SALL1: variants seen among roughly 807,000 people sequenced by gnomAD.
SALL1 encodes sal-like protein 1.
A neutral mutation model predicts 73.1 loss-of-function variants in SALL1; 10 were observed. The observed-to-expected ratio is 0.14, with a 90% CI of 0.08 to 0.23. The LOEUF (loss-of-function observed/expected upper bound fraction) is 0.23. SALL1 is among the 10% of genes least tolerant of loss of function. The pLI is 1.00. For synonymous variants in SALL1, 688 were observed against 689.8 expected (o/e 1.00, Z 0.04); for missense variants, 1,520 against 1,697.3 (o/e 0.90, Z 1.84).
Position 51,141,672 on chromosome 16 carries a change from T to C in SALL1, c.550A>G (p.Thr184Ala), listed in dbSNP as rs778930520. 52 of 1,613,474 alleles carry C rather than the reference T, an allele frequency of 3.2e-5. No homozygotes were observed. Among genetic ancestry groups the C allele is most frequent in the Non-Finnish European group, 6.8e-6 (8 of 1,180,026 alleles). The change falls in exon 2 of 3, where the codon ACA becomes GCA. Residue 184 changes from threonine (T) to alanine (A), a missense_variant. Physicochemically the swap from Thr to Ala is moderately conservative, Grantham distance 58. Around this residue, in one of 7 missense-constraint regions of SALL1, gnomAD observed 540 missense variants for 567.5 expected, o/e 0.95. Transcript: ENST00000251020. The surrounding 1 kb of genome is among the most constrained non-coding windows in gnomAD (Gnocchi z 5.4). ...TTGATTACGGAGAAGTTGCCCAGTG[T>C]TGTCAGGTCCCCGAGTTGAGGTAGA... ...TSLPQLGDLT[T>A]LGNFSVINSN...
chr16:51,146,266 C>T (rs1012546300), intron 1 of SALL1, among the ~76,000 whole-genome samples: 6 of 151,996 alleles, frequency 3.9e-5, no homozygotes, highest in Non-Finnish European at 5.9e-5. Flanking sequence ...ACAACATGGA[C>T]GAGGCGTTGC....
In SALL1 at chr16:51,142,162, G is replaced by A. The variant is rs1481692619; in HGVS notation, c.77-17C>T. 3 of 1,595,668 alleles carry A rather than the reference G, an allele frequency of 1.9e-6. No homozygotes were observed. Among genetic ancestry groups the A allele is most frequent in the African/African-American group, 2.7e-5 (2 of 74,404 alleles). ...CTGTGTCTCCTACAAATGTCAAAAA[G>A]GTGCAGGATTAGAAAAGGGGCCAGG... On this transcript the variant is annotated splice_polypyrimidine_tract_variant and intron_variant, in intron 1 of 2. Coordinates refer to ENST00000251020, the MANE Select transcript of SALL1 (RefSeq NM_002968.3).
Position 51,139,790 on chromosome 16 carries a change from C to A in SALL1, c.2432G>T (p.Gly811Val). ...SYSESMESDT[G>V]SFDEKNFDDL... ...ATCAAAATTTTTCTCATCAAAGGAA[C>A]CTGTGTCAGACTCCATGGACTCAGA... is the stretch of plus-strand genomic sequence containing the variant. Residue 811 changes from glycine (G) to valine (V), a missense_variant, in exon 2 of 3, where the codon GGT becomes GTT. This residue lies in a region of SALL1 where 266 missense variants were observed against 275.1 expected (regional missense o/e 0.97). Coordinates refer to ENST00000251020, the MANE Select transcript of SALL1 (RefSeq NM_002968.3). 6.2e-7 allele frequency: 1 copy of A among 1,614,190 alleles called. No individual in the cohort carries two copies.
upstream of SALL1, among the ~76,000 whole-genome samples, chr16:51,151,934 G>A (rs1045740349): frequency 6.6e-6 from 1 of 151,546 alleles, no homozygotes; most frequent in African/African-American, 2.4e-5. Context: ...GGCGGGATCA[G>A]GGGGGAGGGC....
rs140165636 is a variant in SALL1 at position 51,141,573 on chromosome 16, C to A, written c.649G>T (p.Gly217Cys). ...GCCAGCTTGCCCCCAGAGGCCCCGC[C>A]GCACCTCGCTTCCTGGGAGAACTGG... ...VAQFSQEARC[G>C]GASGGKLAVP... The change falls in exon 2 of 3, where the codon GGC becomes TGC. Residue 217 changes from glycine to cysteine, a missense_variant. Transcript: ENST00000251020. This position sits in a 1 kb window ranked among gnomAD's most constrained non-coding sequence, Gnocchi z 5.4. 18 of 1,614,010 alleles carry A rather than the reference C, an allele frequency of 1.1e-5. No homozygotes were observed. The highest frequency in any genetic ancestry group is 1.4e-5 in the Non-Finnish European group (17 of 1,180,032).
rs1429778920 is a variant in SALL1, at chr16:51,141,702, T to C, written c.520A>G (p.Thr174Ala). The C allele has an allele frequency of 2.5e-6, 4 of 1,613,156 alleles. No homozygotes were observed. The highest frequency in any genetic ancestry group is 1.7e-5 in the Admixed American group (1 of 59,952). The change falls in exon 2 of 3, where the codon ACC becomes GCC. Residue 174 changes from threonine (T) to alanine (A), a missense_variant. By Grantham distance (58) the Thr-to-Ala change is moderately conservative (BLOSUM62 0). Coordinates refer to ENST00000251020, the MANE Select transcript of SALL1 (RefSeq NM_002968.3). The surrounding 1 kb of genome is among the most constrained non-coding windows in gnomAD (Gnocchi z 5.4). ...SSSTGTSAIT[T>A]SLPQLGDLTT... ...AGGTCCCCGAGTTGAGGTAGAGAGGTTGTGATCGCTGAGGTACCTGTGGAG... is the reference window on the plus strand; with the variant it reads ...AGGTCCCCGAGTTGAGGTAGAGAGGCTGTGATCGCTGAGGTACCTGTGGAG...
chr16:51,142,356 T>C (rs1030262104), intron 1 of SALL1, among the ~76,000 whole-genome samples: 16 of 152,206 alleles, frequency 1.1e-4, no homozygotes, highest in African/African-American at 3.1e-4. Context: ...CAGAGAGTCA[T>C]GGCCTTCATA....
chr16:51,145,846 C>A (rs1294770850), intron 1 of SALL1, among the ~76,000 whole-genome samples: 1 of 152,168 alleles, frequency 6.6e-6, no homozygotes, highest in African/African-American at 2.4e-5. Flanking sequence ...CAGAAAGACA[C>A]TTCACTGTAC....
Position 51,138,698 on chromosome 16 carries a change from C to T in SALL1, c.3524G>A (p.Gly1175Asp). ...GAGAGAGCAAGGTACCTTAAGATTG[C>T]CTTTAGTCGTGAAAGCTCTTCCACA... ...TICGRAFTTK[G>D]NLKVHMGTHM... is the part of the protein sequence containing the mutation. Residue 1175 changes from glycine to aspartate, a missense_variant, in exon 2 of 3, where the codon GGC becomes GAC. Coordinates refer to ENST00000251020, the MANE Select transcript of SALL1 (RefSeq NM_002968.3). 1 of 1,612,940 alleles carries T rather than the reference C, an allele frequency of 6.2e-7. No individual in the cohort carries two copies. The highest frequency in any genetic ancestry group is 8.5e-7 in the Non-Finnish European group (1 of 1,179,260).
Position 51,141,038 on chromosome 16 carries a change from T to G in SALL1, c.1184A>C (p.Gln395Pro). 6.2e-7 allele frequency: 1 copy of G among 1,614,198 alleles called. No homozygotes were observed. The highest frequency in any genetic ancestry group is 8.5e-7 in the Non-Finnish European group (1 of 1,180,046). ...GGGGAAAACCGAGTTAGCGGAGGCT[T>G]GCTGAGGTAGAAGTGGATTAGACGC... ...SPASNPLLPQQASANSVFPSP... is the reference protein window; with the variant it reads ...SPASNPLLPQPASANSVFPSP... The change falls in exon 2 of 3, where the codon CAA (glutamine) becomes CCA (proline). Residue 395 changes from glutamine (Q) to proline (P), a missense_variant. Transcript: ENST00000251020. This position sits in a 1 kb window ranked among gnomAD's most constrained non-coding sequence, Gnocchi z 5.4.
Position 51,137,214 on chromosome 16 carries a change from A to C in SALL1, c.3873T>G (p.Asn1291Lys). 1.2e-6 allele frequency: 2 copies of C among 1,614,076 alleles called. No individual in the cohort carries two copies. ...TTTTCTCCAGGCCGGCCAGGGGAGCATTGGGCTCTGAGTTCTGGAGCCTCT... is the reference window on the plus strand; with the variant it reads ...TTTTCTCCAGGCCGGCCAGGGGAGCCTTGGGCTCTGAGTTCTGGAGCCTCT... ...NLERLQNSEP[N>K]APLAGLEKMA... Residue 1291 changes from asparagine to lysine, a missense_variant, in exon 3 of 3, where the codon AAT becomes AAG. By Grantham distance (94) the Asn-to-Lys change is moderately conservative. Coordinates refer to ENST00000251020, the MANE Select transcript of SALL1 (RefSeq NM_002968.3).
Position 51,138,776 on chromosome 16 carries a change from A to T in SALL1, c.3446T>A (p.Leu1149Gln), listed in dbSNP as rs1395096876. The T allele has an allele frequency of 6.2e-7, 1 of 1,614,212 alleles. No homozygotes were observed. Among genetic ancestry groups the T allele is most frequent in the Non-Finnish European group, 8.5e-7 (1 of 1,180,020 alleles). The change falls in exon 2 of 3, where the codon CTG (leucine) becomes CAG (glutamine). Residue 1149 changes from leucine (L) to glutamine (Q), a missense_variant. Coordinates refer to ENST00000251020, the MANE Select transcript of SALL1 (RefSeq NM_002968.3). ...AGTGTGAGTTCTCTCGTGAATCTGCAGGGCACTCGATGAGGAGAAGGTTTT... is the reference window on the plus strand; with the variant it reads ...AGTGTGAGTTCTCTCGTGAATCTGCTGGGCACTCGATGAGGAGAAGGTTTT... ...CGKTFSSSSA[L>Q]QIHERTHTGE...
Position 51,141,874 on chromosome 16 carries a change from G to C in SALL1, c.348C>G (p.His116Gln). Residue 116 changes from histidine (H) to glutamine (Q), a missense_variant, in exon 2 of 3, where the codon CAC becomes CAG. Physicochemically the swap from His to Gln is conservative, Grantham distance 24 (BLOSUM62 0). Transcript: ENST00000251020. This position sits in a 1 kb window ranked among gnomAD's most constrained non-coding sequence, Gnocchi z 5.4. ...TGGACTCTTCCCTGTCAAGTCCGTT[G>C]TGTTCTGAAAGGTCGCTGCAGTCCA... ...DQVDCSDLSEHNGLDREESME... is the reference protein window; with the variant it reads ...DQVDCSDLSEQNGLDREESME... The C allele has an allele frequency of 6.2e-7, 1 of 1,613,768 alleles. No individual in the cohort carries two copies. The highest frequency in any genetic ancestry group is 1.3e-5 in the African/African-American group (1 of 74,934).
chr16:51,146,582 G>A (rs1962521313), intron 1 of SALL1, among the ~76,000 whole-genome samples: 1 of 152,184 alleles, frequency 6.6e-6, no homozygotes, highest in South Asian at 2.1e-4. Flanking sequence ...GCATCTGAGG[G>A]TGACAGGGGA....
chr16:51,152,314 A>G (rs1317528390), upstream of SALL1: 1 of 152,368 alleles, frequency 6.6e-6, no homozygotes, highest in African/African-American at 2.4e-5. Context: ...CATTCCCAGG[A>G]CAATTAGGGC....
intron 1 of SALL1, 43 bp from the exon 2 acceptor site, chr16:51,142,188 A>G: frequency 6.9e-7 from 1 of 1,441,290 alleles, no homozygotes; most frequent in Non-Finnish European, 9.7e-7. Context: ...AGGGGCCAGG[A>G]CACACAGTCA....
intron 1 of SALL1, among the ~76,000 whole-genome samples, chr16:51,146,819 T>G (rs1229950794): frequency 2.0e-5 from 3 of 152,254 alleles, no homozygotes; most frequent in South Asian, 4.1e-4. Flanking sequence ...TTTTCTTTTT[T>G]GGGGGGAGGG....
intron 2 of SALL1, among the ~76,000 whole-genome samples, chr16:51,137,753 T>C (rs1381916658): frequency 2.0e-5 from 3 of 152,154 alleles, no homozygotes; most frequent in Non-Finnish European, 4.4e-5. Context: ...AGTAATAACG[T>C]GTTCACTCTC....
intron 1 of SALL1, among the ~76,000 whole-genome samples, chr16:51,148,741 G>T (rs1962553487): frequency 6.6e-6 from 1 of 152,154 alleles, no homozygotes; most frequent in African/African-American, 2.4e-5. Context: ...CCAGCGTTGG[G>T]GGAGGATTAC....
Sources: gnomAD v4.1 joint callset for allele counts (sites outside exome capture counted in the v4.1 genomes callset) on GRCh38, gnomAD v4.1.1 for gene constraint, gnomAD v4.1.1 regional missense constraint, Gnocchi (gnomAD v3.1) non-coding constraint, MANE v1.5 for transcripts, NCBI Gene and HGNC (gene_info 2026-07-23, HGNC 2026-07-21) for gene names.